The following TRIP12 variants were observed in gnomAD, a reference collection of about 807,000 sequenced individuals.
TRIP12 encodes E3 ubiquitin-protein ligase TRIP12.
TRIP12 carries 25 observed loss-of-function variants against 244.2 expected under a neutral mutation model. That is an observed-to-expected ratio of 0.10 (90% CI 0.07 to 0.14). The LOEUF (loss-of-function observed/expected upper bound fraction) is 0.14, where lower values mean the gene tolerates loss of function less well. TRIP12 is among the 10% of genes least tolerant of loss of function. The pLI is 1.00. For synonymous variants in TRIP12, 905 were observed against 873.1 expected (o/e 1.04, Z -0.64); for missense variants, 1,677 against 2,486.4 (o/e 0.67, Z 6.92).
Position 229,778,785 on chromosome 2 carries a change from T to C in TRIP12, c.5209+91A>G. 1.4e-6 allele frequency: 2 copies of C among 1,386,334 alleles called. No homozygotes were observed. Among genetic ancestry groups the C allele is most frequent in the East Asian group, 2.3e-5 (1 of 43,680 alleles). The allele number at this position is 1,386,334 out of a possible 1,614,324, so 85.9% of individuals were successfully genotyped here. On this transcript the variant is annotated intron_variant, in intron 35 of 41. Transcript: ENST00000675903. The surrounding 1 kb of genome is among the most constrained non-coding windows in gnomAD (Gnocchi z 4.1). ...GGCTAAAAGAAAGCAAGTACAGCTG[T>C]CCATTAGAAATTAAATATGTCTAAT...
At chr2:229,816,372 A>G (rs2154283752) in intron 9 of TRIP12, among the ~76,000 whole-genome samples, 1 of 152,254 alleles carries the variant, frequency 6.6e-6, no homozygotes, top group Middle Eastern at 3.4e-3. Flanking sequence ...AGTCACTTAA[A>G]ACACTTAGTC....
intron 2 of TRIP12, among the ~76,000 whole-genome samples, chr2:229,865,289 G>T (rs2061308075): frequency 7.4e-6 from 1 of 135,468 alleles, no homozygotes; most frequent in African/African-American, 2.8e-5. Context: ...CTCCAGCCTG[G>T]GCAATAGAGT....
At chr2:229,880,166 A>G in intron 1 of TRIP12, 38 bp from the exon 2 acceptor site, 1 of 1,249,022 alleles carries the variant, frequency 8.0e-7, no homozygotes, top group Non-Finnish European at 1.1e-6. Context: ...TATCAGATGT[A>G]CAAAATACAA....
In TRIP12 at chr2:229,836,949, G is replaced by C. The variant is rs765288387; in HGVS notation, c.1169C>G (p.Ala390Gly). The C allele has an allele frequency of 6.3e-7, 1 of 1,592,290 alleles. No individual in the cohort carries two copies. The highest frequency in any genetic ancestry group is 8.5e-7 in the Non-Finnish European group (1 of 1,172,550). Residue 390 changes from alanine (A) to glycine (G), a missense_variant, in exon 6 of 42, where the codon GCT (alanine) becomes GGT (glycine). Ala to Gly is a moderately conservative substitution (Grantham distance 60). Coordinates refer to ENST00000675903, the MANE Select transcript of TRIP12 (RefSeq NM_001348323.3). Reference protein sequence around the residue: ...RGSGLGKRGAAEARRQEKMAD... With the variant: ...RGSGLGKRGAGEARRQEKMAD... The stretch of plus-strand genomic sequence containing the variant: ...CATTTTCTCCTGTCGACGAGCTTCA[G>C]CTGCTCCTCTTTTGCCCAGGCCAGA...
Position 229,787,648 on chromosome 2 carries a change from G to A in TRIP12, c.4852C>T (p.Pro1618Ser). 1 of 1,601,456 alleles carries A rather than the reference G, an allele frequency of 6.2e-7. No individual in the cohort carries two copies. Among genetic ancestry groups the A allele is most frequent in the Non-Finnish European group, 8.5e-7 (1 of 1,174,734 alleles). Residue 1618 changes from proline (P) to serine (S), a missense_variant, in exon 33 of 42, where the codon CCT becomes TCT. Physicochemically the swap from Pro to Ser is moderately conservative, Grantham distance 74 (BLOSUM62 -1). Coordinates refer to ENST00000675903, the MANE Select transcript of TRIP12 (RefSeq NM_001348323.3). ...AAAAGCATTTGCCGGGTATCAAAAG[G>A]AAAGAAAAATGGGCTGTAAAAAGAT... is the stretch of plus-strand genomic sequence containing the variant. ...ELGKTCPFFF[P>S]FDTRQMLFYV...
At chr2:229,817,294 T>TA (rs1484767262) in intron 9 of TRIP12, among the ~76,000 whole-genome samples, 2 of 152,212 alleles carry the variant, frequency 1.3e-5, no homozygotes, top group African/African-American at 4.8e-5. Flanking sequence ...AAATAAAACA[T>TA]ACCACAAATG....
intron 2 of TRIP12, among the ~76,000 whole-genome samples, chr2:229,873,273 G>A (rs1293132510): frequency 1.4e-4 from 21 of 152,128 alleles, no homozygotes; most frequent in Admixed American, 1.4e-3. Flanking sequence ...GCACAACAAA[G>A]TTATTCATAA....
intron 39 of TRIP12, 143 bp from the exon 40 acceptor site, chr2:229,769,468 AAAT>A (rs1553568472): frequency 2.3e-4 from 94 of 407,334 alleles, no homozygotes; most frequent in Middle Eastern, 1.4e-3. Flanking sequence ...AAAAAAAAAA[AAAT>A]AATAATAAAA....
chr2:229,863,057 G>A (rs573213095), intron 2 of TRIP12, among the ~76,000 whole-genome samples: 26 of 151,774 alleles, frequency 1.7e-4, no homozygotes, highest in African/African-American at 2.9e-4. Context: ...GTGAAACCCC[G>A]TCTCTAATAA....
chr2:229,909,708 C>A (rs1408529256), intron 1 of TRIP12, among the ~76,000 whole-genome samples: 1 of 151,666 alleles, frequency 6.6e-6, no homozygotes, highest in African/African-American at 2.4e-5. Flanking sequence ...AACAAAGTAG[C>A]CAGGTATGGT....
At chr2:229,839,478 C>A (rs2055782911) in intron 5 of TRIP12, among the ~76,000 whole-genome samples, 1 of 151,812 alleles carries the variant, frequency 6.6e-6, no homozygotes, top group African/African-American at 2.4e-5. Flanking sequence ...GAGACCGAGA[C>A]CATCCCGGTT....
intron 2 of TRIP12, among the ~76,000 whole-genome samples, chr2:229,863,679 A>G (rs1302007761): frequency 1.3e-5 from 2 of 152,188 alleles, no homozygotes; most frequent in African/African-American, 4.8e-5. Flanking sequence ...CTTATAAATT[A>G]TTAATGCTCA....
intron 2 of TRIP12, among the ~76,000 whole-genome samples, chr2:229,863,376 T>C (rs893064645): frequency 8.6e-5 from 13 of 151,922 alleles, no homozygotes; most frequent in African/African-American, 3.2e-4. Context: ...CTGTCCCTTC[T>C]GCCTATCTGT....
At chr2:229,825,434 A>G (rs1348433138) in intron 8 of TRIP12, among the ~76,000 whole-genome samples, 3 of 152,256 alleles carry the variant, frequency 2.0e-5, no homozygotes, top group Non-Finnish European at 4.4e-5. Flanking sequence ...GTCCATTCTC[A>G]CACTTCTATG....
chr2:229,859,222 T>A lies in TRIP12; in HGVS notation c.577A>T (p.Arg193Trp). The change falls in exon 4 of 42, where the codon AGG becomes TGG. Residue 193 changes from arginine (R) to tryptophan (W), a missense_variant. Arg to Trp is a moderately radical substitution (Grantham distance 101). Coordinates refer to ENST00000675903, the MANE Select transcript of TRIP12 (RefSeq NM_001348323.3). ...TGGSRSQKRKRTESSCVKSGS... is the reference protein window; with the variant it reads ...TGGSRSQKRKWTESSCVKSGS... ...CTCTTTACACAAGAACTCTCTGTCCTTTTTCTTTTCTGACTCCGTGAACCG... is the reference window on the plus strand; with the variant it reads ...CTCTTTACACAAGAACTCTCTGTCCATTTTCTTTTCTGACTCCGTGAACCG... 6.2e-7 allele frequency: 1 copy of A among 1,614,168 alleles called. No homozygotes were observed. Among genetic ancestry groups the A allele is most frequent in the Non-Finnish European group, 8.5e-7 (1 of 1,180,032 alleles).
In TRIP12 at chr2:229,908,930, A is replaced by C. The variant is rs571248130; in HGVS notation, c.-50+12950T>G. Among the ~76,000 whole-genome samples, 16 of 151,594 alleles carry C rather than the reference A, an allele frequency of 1.1e-4. No individual in the cohort carries two copies. In the South Asian group the frequency reaches 3.1e-3, roughly 30 times the overall value. On this transcript the variant is annotated intron_variant, in intron 1 of 41. Coordinates refer to ENST00000675903, the MANE Select transcript of TRIP12 (RefSeq NM_001348323.3). ...AATATAGCGAGACCCCTCTACAAAA[A>C]ATAAAAAAAATTAGCCAGTCACAGT...
At chr2:229,769,845 A>G (rs1455547430) in intron 39 of TRIP12, among the ~76,000 whole-genome samples, 2 of 152,182 alleles carry the variant, frequency 1.3e-5, no homozygotes, top group African/African-American at 4.8e-5. Flanking sequence ...GGTTGGTTGT[A>G]TGGGGACCAA....
rs578224578 is a variant in TRIP12, at chr2:229,880,346, C to G, written c.-49-218G>C. Among the ~76,000 whole-genome samples, 42 of 152,228 alleles carry G rather than the reference C, an allele frequency of 2.8e-4. 1 individual carries two copies. The highest frequency in any genetic ancestry group is 9.9e-4 in the African/African-American group (41 of 41,522). On this transcript the variant is annotated intron_variant, in intron 1 of 41. Transcript: ENST00000675903. ...GTAACATATTCAAGCCATGTGGTCC[C>G]GGACTCAGTATATAAAATTAACTTA...
chr2:229,822,112 C>A (rs2050218918), intron 8 of TRIP12, among the ~76,000 whole-genome samples: 1 of 152,158 alleles, frequency 6.6e-6, no homozygotes. Flanking sequence ...TGCACTCCAG[C>A]ATGAGCGACA....
Sources: allele counts gnomAD v4.1 joint callset (sites outside exome capture counted in the v4.1 genomes callset), GRCh38; gene constraint gnomAD v4.1.1; non-coding constraint Gnocchi (gnomAD v3.1); transcripts MANE v1.5; gene names NCBI Gene and HGNC (gene_info 2026-07-23, HGNC 2026-07-21).